The following MAP3K15 variants were observed in gnomAD, a reference collection of about 807,000 sequenced individuals.
The protein encoded by MAP3K15 is mitogen-activated protein kinase kinase kinase 15.
A neutral mutation model predicts 99.5 loss-of-function variants in MAP3K15; 124 were observed. The observed-to-expected ratio is 1.25, with a 90% confidence interval of 1.08 to 1.45. The LOEUF (loss-of-function observed/expected upper bound fraction) is 1.45. Among genes scored for constraint, MAP3K15 ranks in the 40% most tolerant of loss-of-function variants. MAP3K15 has a pLI of 0.00. For missense variants in MAP3K15, 1,242 were observed against 1,079.7 expected (o/e 1.15, Z -2.11); for synonymous variants, 494 against 439.6 (o/e 1.12, Z -1.55).
At position 19,425,582 on chromosome X, in the gene MAP3K15, C is replaced by T; in HGVS notation, c.1388G>A (p.Gly463Glu). 1 of 1,199,206 alleles carries T rather than the reference C, an allele frequency of 8.3e-7. No homozygotes were observed. The highest frequency in any genetic ancestry group is 1.8e-5 in the South Asian group (1 of 56,593). Residue 463 changes from glycine (G) to glutamate (E), a missense_variant, in exon 9 of 29, where the codon GGG becomes GAG. Physicochemically the swap from Gly to Glu is moderately conservative, Grantham distance 98. Transcript: ENST00000338883. ...CCTCTCTGCTGCCTGGACGGCTTTCCCGACATCATGGGCCAGCATGCTGAC... is the reference window on the plus strand; with the variant it reads ...CCTCTCTGCTGCCTGGACGGCTTTCTCGACATCATGGGCCAGCATGCTGAC... The part of the protein sequence containing the change: ...FSVSMLAHDV[G>E]KAVQAAERLF...
chrX:19,422,513 A>G (rs1602295607), intron 9 of MAP3K15, among the ~76,000 whole-genome samples: 2 of 112,082 alleles, frequency 1.8e-5, no homozygotes, highest in Admixed American at 1.9e-4. Context: ...GCGATCATTA[A>G]AAAGTCAGGA....
At chrX:19,394,325 C>T (rs2063549717) in intron 16 of MAP3K15, among the ~76,000 whole-genome samples, 1 of 110,943 alleles carries the variant, frequency 9.0e-6, no homozygotes, top group Non-Finnish European at 1.9e-5. Context: ...AATTATTACT[C>T]CAATTATCAG....
intron 3 of MAP3K15, among the ~76,000 whole-genome samples, chrX:19,470,356 A>G (rs962813344): frequency 9.0e-6 from 1 of 110,633 alleles, no homozygotes; most frequent in Non-Finnish European, 1.9e-5. Flanking sequence ...AACAATGAGA[A>G]CACATGGACA....
At chrX:19,394,812 TTTTTTTTTTTTTTTTTTTTTTTTA>T (rs1482056770) in intron 16 of MAP3K15, among the ~76,000 whole-genome samples, 5 of 61,342 alleles carry the variant, frequency 8.2e-5, no homozygotes, top group African/African-American at 2.8e-4. Context: ...TTTTTTTTTT[TTTTTTTTTTTTTTTTTTTTTTTTA>T]AAAAGAGTGA....
At chrX:19,483,261 A>C (rs1207477406) in intron 3 of MAP3K15, among the ~76,000 whole-genome samples, 1 of 108,569 alleles carries the variant, frequency 9.2e-6, no homozygotes, top group Non-Finnish European at 1.9e-5. Context: ...CCATCTCAAA[A>C]AAAAAAAAAA....
chrX:19,460,097 T>C lies in MAP3K15; in HGVS notation c.776A>G (p.Gln259Arg), dbSNP rs373284737. 4.9e-4 allele frequency: 586 copies of C among 1,194,982 alleles called. 6 individuals carry two copies. In the South Asian group the frequency reaches 9.3e-3, roughly 19 times the overall value. Reference sequence around the variant, plus strand: ...TAGCTCCTTCGCCAGTTCCTCACCTTGGTATTTCTCTCTGGCTTTCCGGAT... The same window carrying C: ...TAGCTCCTTCGCCAGTTCCTCACCTCGGTATTTCTCTCTGGCTTTCCGGAT... ...NDIRKAREKY[Q>R]GEELAKELAR... Residue 259 changes from glutamine to arginine, a missense_variant, in exon 5 of 29, where the codon CAA becomes CGA. Physicochemically the swap from Gln to Arg is conservative, Grantham distance 43. Transcript: ENST00000338883.
At chrX:19,420,879 C>T (rs192729403) in intron 9 of MAP3K15, among the ~76,000 whole-genome samples, 1,120 of 111,651 alleles carry the variant, frequency 0.01, 16 homozygotes, top group African/African-American at 0.035. Context: ...TGGTTCAACA[C>T]ATGCAAATCA....
chrX:19,440,552 C>T (rs1434301332), intron 6 of MAP3K15, among the ~76,000 whole-genome samples: 1 of 112,602 alleles, frequency 8.9e-6, no homozygotes, highest in East Asian at 2.8e-4. Flanking sequence ...TGAAATCATC[C>T]ACCCTAGCTG....
chrX:19,497,716 A>G (rs2064416040), intron 1 of MAP3K15: 1 of 111,374 alleles, frequency 9.0e-6, no homozygotes, highest in Non-Finnish European at 1.9e-5. Context: ...TATGGCTAGA[A>G]CTGGGCTGAT....
intron 6 of MAP3K15, among the ~76,000 whole-genome samples, chrX:19,450,807 C>G (rs1175053315): frequency 9.2e-6 from 1 of 108,675 alleles, no homozygotes; most frequent in African/African-American, 3.3e-5. Context: ...AAGACAGAGC[C>G]CTTTAAGCAA....
chrX:19,421,002 T>C (rs1180712086), intron 9 of MAP3K15, among the ~76,000 whole-genome samples: 1 of 111,481 alleles, frequency 9.0e-6, no homozygotes, highest in Non-Finnish European at 1.9e-5. Flanking sequence ...CTAAAAACTC[T>C]CAATACATTA....
At chrX:19,372,095 C>T (rs1455652039) in intron 22 of MAP3K15, among the ~76,000 whole-genome samples, 6 of 105,536 alleles carry the variant, frequency 5.7e-5, no homozygotes, top group African/African-American at 2.1e-4. Flanking sequence ...GATCACACCG[C>T]TGCACTCCAG....
intron 14 of MAP3K15, among the ~76,000 whole-genome samples, chrX:19,399,683 G>A (rs780889551): frequency 4.0e-5 from 4 of 99,153 alleles, no homozygotes; most frequent in Non-Finnish European, 6.0e-5. Flanking sequence ...GCAGTAAGGC[G>A]AGATTGCGCC....
At chrX:19,446,638 C>T (rs1361659918) in intron 6 of MAP3K15, among the ~76,000 whole-genome samples, 1 of 111,542 alleles carries the variant, frequency 9.0e-6, no homozygotes, top group African/African-American at 3.3e-5. Context: ...CCTCCTCAGC[C>T]ATCTATTTCT....
At chrX:19,467,303 G>A (rs1398888769) in intron 3 of MAP3K15, among the ~76,000 whole-genome samples, 1 of 110,581 alleles carries the variant, frequency 9.0e-6, no homozygotes, top group African/African-American at 3.3e-5. Flanking sequence ...GCTCCCTCTT[G>A]TCCCTGGTCC....
chrX:19,505,590 A>G (rs2064470924), intron 1 of MAP3K15, among the ~76,000 whole-genome samples: 4 of 111,022 alleles, frequency 3.6e-5, no homozygotes, highest in African/African-American at 9.8e-5. Context: ...ATGAGAAGGT[A>G]TGGGAAGGCC....
chrX:19,439,861 TG>T (rs759242098), intron 6 of MAP3K15, among the ~76,000 whole-genome samples: 1 of 112,166 alleles, frequency 8.9e-6, no homozygotes, highest in Non-Finnish European at 1.9e-5. Context: ...GGGCAATCAC[TG>T]GGGTCTGCCC....
In MAP3K15 at chrX:19,413,498, G is replaced by A. The variant is rs778788538; in HGVS notation, c.1591-34C>T. The stretch of plus-strand genomic sequence containing the variant: ...AGAACAGATGCCTGTTAACGTACAT[G>A]GGTAGAAAACATAGCGCACCCTGCC... On this transcript the variant is annotated intron_variant, in intron 10 of 28. Transcript: ENST00000338883. The A allele has an allele frequency of 1.0e-5, 11 of 1,082,234 alleles. No homozygotes were observed. The African/African-American group carries it at 2.0e-4, about 20-fold the overall frequency. 89.2% of individuals were successfully genotyped at this position (1,082,234 alleles called of 1,213,427 possible).
At chrX:19,363,022 CTCAGACT>C (rs375136841) in intron 25 of MAP3K15, among the ~76,000 whole-genome samples, 172 bp from the exon 26 acceptor site, 20 of 112,278 alleles carry the variant, frequency 1.8e-4, no homozygotes, top group African/African-American at 5.8e-4. Flanking sequence ...GGTTCTGTGA[CTCAGACT>C]TCAGTCTGCA....
Sources: gnomAD v4.1 joint callset for allele counts (sites outside exome capture counted in the v4.1 genomes callset) on GRCh38, gnomAD v4.1.1 for gene constraint, MANE v1.5 for transcripts, NCBI Gene and HGNC (gene_info 2026-07-23, HGNC 2026-07-21) for gene names.